The following IGSF21 variants were observed in gnomAD, a reference collection of about 807,000 sequenced individuals.
The protein encoded by IGSF21 is immunoglobin superfamily member 21, also known as immunoglobulin superfamily member 21.
Under a neutral mutation model 46.8 loss-of-function variants are expected in IGSF21, and 28 were observed. The ratio of observed to expected loss-of-function variants is 0.60; its 90% CI spans 0.44 to 0.82. The LOEUF (loss-of-function observed/expected upper bound fraction) is 0.82. IGSF21 is among the 40% of genes least tolerant of loss of function. The probability of loss-of-function intolerance (pLI) is 0.00; values close to 1 mark genes in which losing one functional copy is unlikely to be tolerated. For synonymous variants in IGSF21, 284 were observed against 273.6 expected, an observed-to-expected ratio of 1.04 and a Z score of -0.38; for missense variants, 624 against 665.5, an observed-to-expected ratio of 0.94 and a Z score of 0.69.
intron 4 of IGSF21, among the ~76,000 whole-genome samples, chr1:18,354,877 A>G (rs972291525): frequency 1.4e-5 from 1 of 72,362 alleles, no homozygotes; most frequent in Non-Finnish European, 2.9e-5. Context: ...CTATCCTTAC[A>G]GAAGGTTTAT....
intron 1 of IGSF21, among the ~76,000 whole-genome samples, chr1:18,224,847 T>C (rs1314973940): frequency 6.6e-6 from 1 of 151,994 alleles, no homozygotes; most frequent in Admixed American, 6.6e-5. Context: ...GGTGGATCAC[T>C]TGAGGTCAGG....
At chr1:18,226,859 G>A (rs2084572344) in intron 1 of IGSF21, among the ~76,000 whole-genome samples, 2 of 152,226 alleles carry the variant, frequency 1.3e-5, no homozygotes, top group African/African-American at 4.8e-5. Flanking sequence ...AAGCCGATCA[G>A]ATGAGCCTGG....
intron 1 of IGSF21, among the ~76,000 whole-genome samples, chr1:18,132,804 G>T (rs947290248): frequency 1.3e-5 from 2 of 151,912 alleles, no homozygotes; most frequent in African/African-American, 2.4e-5. Context: ...CTTAAAAGGT[G>T]TCCTGCCATC....
chr1:18,197,198 C>T (rs2087018361), intron 1 of IGSF21, among the ~76,000 whole-genome samples: 1 of 152,198 alleles, frequency 6.6e-6, no homozygotes, highest in Non-Finnish European at 1.5e-5. Flanking sequence ...CCACTCCTGT[C>T]CCTTCACAAG....
At chr1:18,374,720 G>A (rs2086263316) in intron 6 of IGSF21, among the ~76,000 whole-genome samples, 2 of 152,184 alleles carry the variant, frequency 1.3e-5, no homozygotes, top group Non-Finnish European at 2.9e-5. Context: ...GGCAGTGCCT[G>A]GGAGGCCACC....
chr1:18,252,053 T>TTG (rs1342867685), intron 2 of IGSF21, among the ~76,000 whole-genome samples: 6 of 134,182 alleles, frequency 4.5e-5, no homozygotes, highest in East Asian at 2.2e-4. Context: ...GCGTTTTTTT[T>TTG]TTTTTTTTTT....
intron 1 of IGSF21, among the ~76,000 whole-genome samples, chr1:18,170,936 A>G (rs567446817): frequency 1.3e-5 from 2 of 152,298 alleles, no homozygotes; most frequent in African/African-American, 4.8e-5. Context: ...GGGTCAGGTT[A>G]TGGTGGATGC....
At position 18,326,425 on chromosome 1, in the gene IGSF21, C is replaced by A. The variant is rs543097668; in HGVS notation, c.306-8467C>A. Among the ~76,000 whole-genome samples the A allele has an allele frequency of 9.2e-5, 14 of 152,272 alleles. No homozygotes were observed. The East Asian group carries it at 1.9e-3, about 21-fold the overall frequency. On this transcript the variant is annotated intron_variant, in intron 3 of 9. Transcript: ENST00000251296. ...ATAAGATTGCAGGGGGTGTGTTTAA[C>A]CTACTTGCAGGAACAACTCTGTCCC...
At chr1:18,330,760 C>T (rs2085704933) in intron 3 of IGSF21, among the ~76,000 whole-genome samples, 2 of 152,158 alleles carry the variant, frequency 1.3e-5, no homozygotes, top group African/African-American at 2.4e-5. Flanking sequence ...CTCTTTTTGC[C>T]ATTTTTTATT....
chr1:18,187,351 A>G (rs770018225), intron 1 of IGSF21, among the ~76,000 whole-genome samples: 8 of 152,216 alleles, frequency 5.3e-5, no homozygotes, highest in Non-Finnish European at 1.2e-4. Context: ...TGATAAAGAC[A>G]TACTCAAGAC....
chr1:18,127,237 G>A (rs536038794), intron 1 of IGSF21, among the ~76,000 whole-genome samples: 77 of 152,250 alleles, frequency 5.1e-4, no homozygotes, highest in Admixed American at 1.4e-3. Context: ...GGATGAGAGA[G>A]GAATGAACAT....
At chr1:18,327,955 C>T (rs1336126) in intron 3 of IGSF21, among the ~76,000 whole-genome samples, 1,609 of 152,312 alleles carry the variant, frequency 0.011, 30 homozygotes, top group African/African-American at 0.036. Flanking sequence ...TCAGGATAAA[C>T]TCACCTAACA....
intron 1 of IGSF21, among the ~76,000 whole-genome samples, chr1:18,154,008 C>T (rs2086545302): frequency 6.6e-6 from 1 of 152,200 alleles, no homozygotes; most frequent in African/African-American, 2.4e-5. Context: ...CGATCCGTTC[C>T]TAGGTCTCAC....
At chr1:18,306,989 G>T (rs746621775) in intron 3 of IGSF21, among the ~76,000 whole-genome samples, 4 of 152,346 alleles carry the variant, frequency 2.6e-5, no homozygotes, top group East Asian at 3.9e-4. Context: ...CTGCGTATTC[G>T]CATTTGGATT....
intron 4 of IGSF21, among the ~76,000 whole-genome samples, chr1:18,344,091 T>G (rs1319278202): frequency 6.6e-6 from 1 of 152,174 alleles, no homozygotes; most frequent in Non-Finnish European, 1.5e-5. Context: ...AAGACCAGAT[T>G]CTTGAACGTG....
intron 1 of IGSF21, among the ~76,000 whole-genome samples, chr1:18,119,477 C>G (rs1417012125): frequency 6.6e-6 from 1 of 152,250 alleles, no homozygotes; most frequent in Non-Finnish European, 1.5e-5. Flanking sequence ...CAGTGCACTT[C>G]CAAAAGCTCT....
chr1:18,187,478 A>G (rs1308920176), intron 1 of IGSF21, among the ~76,000 whole-genome samples: 1 of 152,186 alleles, frequency 6.6e-6, no homozygotes, highest in Non-Finnish European at 1.5e-5. Context: ...AGCAGCAAAG[A>G]ATCAGAGAGC....
chr1:18,312,160 G>T (rs190359560), intron 3 of IGSF21, among the ~76,000 whole-genome samples: 18 of 152,226 alleles, frequency 1.2e-4, no homozygotes, highest in African/African-American at 4.3e-4. Context: ...GTTTCCTCTG[G>T]TCTCCTGATC....
chr1:18,245,509 T>C (rs2084775796), intron 2 of IGSF21, among the ~76,000 whole-genome samples: 1 of 152,226 alleles, frequency 6.6e-6, no homozygotes, highest in Admixed American at 6.5e-5. Context: ...AAGAATGCAA[T>C]TGATTTTTTG....
Sources: gnomAD v4.1 joint callset for allele counts (sites outside exome capture counted in the v4.1 genomes callset) on GRCh38, gnomAD v4.1.1 for gene constraint, MANE v1.5 for transcripts, NCBI Gene and HGNC (gene_info 2026-07-23, HGNC 2026-07-21) for gene names.